The following SEMA6A variants were observed in gnomAD, a reference collection of about 807,000 sequenced individuals.
The protein encoded by SEMA6A is semaphorin 6A, also known as semaphorin-6A.
Under a neutral mutation model 96.8 loss-of-function variants are expected in SEMA6A, and 25 were observed. The ratio of observed to expected loss-of-function variants is 0.26; its 90% CI spans 0.19 to 0.36. The LOEUF is 0.36. SEMA6A is among the 10% of genes least tolerant of loss of function. SEMA6A has a pLI of 1.00. For synonymous variants in SEMA6A, 612 were observed against 518.0 expected (o/e 1.18, Z -2.46); for missense variants, 1,363 against 1,323.1 (o/e 1.03, Z -0.47).
Position 116,444,014 on chromosome 5 carries a change from A to C in SEMA6A, c.*2599T>G, listed in dbSNP as rs1198368751. The C allele has an allele frequency of 2.0e-5, 3 of 152,180 alleles. No individual in the cohort carries two copies. Among genetic ancestry groups the C allele is most frequent in the Non-Finnish European group, 4.4e-5 (3 of 68,068 alleles). The allele number at this position is 152,180 out of a possible 1,614,324, so 9.4% of individuals were successfully genotyped here. A position where few individuals can be genotyped will look rare whatever the true frequency, so the allele number is the denominator to read the frequency against. On this transcript the variant is annotated 3_prime_UTR_variant, in exon 19 of 19. Transcript: ENST00000343348. ...GATGCCTACAAACACTGGACAAGAC[A>C]GCCGCTTACGTCAATGATGGGTGCT... is the stretch of plus-strand genomic sequence containing the variant.
intron 1 of SEMA6A, among the ~76,000 whole-genome samples, chr5:116,559,495 C>T (rs1333409643): frequency 6.6e-6 from 1 of 152,082 alleles, no homozygotes; most frequent in Non-Finnish European, 1.5e-5. Flanking sequence ...TTGGGGCTGA[C>T]GCCGTTTTAG....
At chr5:116,529,305 G>T (rs13181662) in intron 1 of SEMA6A, among the ~76,000 whole-genome samples, 1 of 152,050 alleles carries the variant, frequency 6.6e-6, no homozygotes, top group Non-Finnish European at 1.5e-5. Context: ...CTAGATAGGA[G>T]GAATTAATCC....
chr5:116,459,998 A>G (rs979207638), intron 18 of SEMA6A, among the ~76,000 whole-genome samples: 19 of 152,304 alleles, frequency 1.2e-4, no homozygotes, highest in African/African-American at 4.6e-4. Context: ...TTATTAAACT[A>G]TTATTTTTTA....
chr5:116,521,825 CAA>C (rs1416381483), intron 1 of SEMA6A, among the ~76,000 whole-genome samples: 1 of 151,616 alleles, frequency 6.6e-6, no homozygotes, highest in East Asian at 1.9e-4. Flanking sequence ...ACATTTAAAA[CAA>C]AGACTGACTA....
At chr5:116,536,866 TAAAAAAAAAAAA>T (rs72214884) in intron 1 of SEMA6A, among the ~76,000 whole-genome samples, 3,479 of 69,640 alleles carry the variant, frequency 0.05, 188 homozygotes, top group African/African-American at 0.15. Flanking sequence ...TGTGATTTCT[TAAAAAAAAAAAA>T]AAAAAAAAAA....
At chr5:116,454,472 A>C (rs1185839366) in intron 18 of SEMA6A, among the ~76,000 whole-genome samples, 1 of 152,212 alleles carries the variant, frequency 6.6e-6, no homozygotes, top group Admixed American at 6.5e-5. Flanking sequence ...AGACAGTATA[A>C]ATGAATGAAC....
At position 116,446,955 on chromosome 5, in the gene SEMA6A, C is replaced by G. The variant is rs1014654668; in HGVS notation, c.2751G>C (p.Lys917Asn). 1 of 1,613,808 alleles carries G rather than the reference C, an allele frequency of 6.2e-7. No individual in the cohort carries two copies. ...TGAGCGAGTTCGTGGGGTAGCTCCT[C>G]TTATAGTCAACCCCGTAGGAAGAGG... ...HHSSSYGVDYKRSYPTNSLTR... is the reference protein window; with the variant it reads ...HHSSSYGVDYNRSYPTNSLTR... Residue 917 changes from lysine to asparagine, a missense_variant, in exon 19 of 19, where the codon AAG (lysine) becomes AAC (asparagine). Around this residue, in one of 2 missense-constraint regions of SEMA6A, gnomAD observed 883 missense variants for 763.6 expected, o/e 1.16. Transcript: ENST00000343348.
chr5:116,530,835 C>G (rs1759436809), intron 1 of SEMA6A, among the ~76,000 whole-genome samples: 1 of 152,064 alleles, frequency 6.6e-6, no homozygotes, highest in African/African-American at 2.4e-5. Flanking sequence ...CTCTCTCTGC[C>G]CAAGAGGAAT....
intron 1 of SEMA6A, among the ~76,000 whole-genome samples, chr5:116,561,967 T>TAA (rs57355707): frequency 7.2e-4 from 107 of 148,784 alleles, no homozygotes; most frequent in African/African-American, 1.3e-3. Context: ...CTTTATAATT[T>TAA]AAAAAAAAAA....
intron 3 of SEMA6A, chr5:116,498,408 C>A (rs1366522557): frequency 1.3e-5 from 2 of 152,066 alleles, no homozygotes; most frequent in African/African-American, 4.8e-5. Flanking sequence ...TTCACATATA[C>A]ATATATATAA....
chr5:116,475,187 AT>A (rs1756387937), intron 16 of SEMA6A, among the ~76,000 whole-genome samples: 1 of 152,230 alleles, frequency 6.6e-6, no homozygotes, highest in South Asian at 2.1e-4. Flanking sequence ...CAATCTTATT[AT>A]TATTTGGCGG....
intron 1 of SEMA6A, among the ~76,000 whole-genome samples, chr5:116,536,866 T>TTAAAAAAAAAAAAAAAAAAAAAAAA (rs1561524239): frequency 1.4e-5 from 1 of 69,480 alleles, no homozygotes. Context: ...TGTGATTTCT[T>TTAAAAAAAAAAAAAAAAAAAAAAAA]AAAAAAAAAA....
chr5:116,491,825 A>G lies in SEMA6A; in HGVS notation c.450T>C (p.Asp150=). ...FNPSCRNYKM[D]TLEPFGDEFS... is the part of the protein sequence containing the mutation. The stretch of plus-strand genomic sequence containing the variant: ...ATTCATCCCCGAATGGTTCCAATGT[A>G]TCCATCTAAATGAAATAATCAGACT... The change falls in exon 7 of 19, where the codon GAT becomes GAC. Residue 150 remains aspartate, a synonymous_variant. Coordinates refer to ENST00000343348, the MANE Select transcript of SEMA6A (RefSeq NM_020796.5). The G allele has an allele frequency of 6.2e-7, 1 of 1,610,140 alleles. No homozygotes were observed.
intron 1 of SEMA6A, among the ~76,000 whole-genome samples, chr5:116,506,486 T>C (rs192525974): frequency 9.9e-5 from 15 of 152,088 alleles, no homozygotes; most frequent in African/African-American, 3.6e-4. Context: ...AAAGCAAGAG[T>C]CTACTCATTC....
chr5:116,520,476 A>C (rs937668906), intron 1 of SEMA6A, among the ~76,000 whole-genome samples: 3 of 152,024 alleles, frequency 2.0e-5, no homozygotes, highest in Non-Finnish European at 2.9e-5. Context: ...ATGAAGCTCT[A>C]AAAAAAGAGT....
intron 1 of SEMA6A, among the ~76,000 whole-genome samples, chr5:116,507,297 A>C (rs1483142159): frequency 1.3e-5 from 2 of 152,282 alleles, no homozygotes; most frequent in African/African-American, 2.4e-5. Context: ...TCTTCAGTTG[A>C]AGTTTTGATG....
At chr5:116,556,949 A>G (rs1329499210) in intron 1 of SEMA6A, among the ~76,000 whole-genome samples, 6 of 152,130 alleles carry the variant, frequency 3.9e-5, no homozygotes. Flanking sequence ...TACTCTCCCC[A>G]CTTTCTGCAG....
chr5:116,548,170 C>T (rs1760264370), intron 1 of SEMA6A, among the ~76,000 whole-genome samples: 1 of 152,218 alleles, frequency 6.6e-6, no homozygotes, highest in Admixed American at 6.5e-5. Flanking sequence ...ATGCCTTCGC[C>T]TTCCTTGACG....
chr5:116,465,675 T>A (rs1259937073), intron 18 of SEMA6A, among the ~76,000 whole-genome samples: 1 of 152,220 alleles, frequency 6.6e-6, no homozygotes, highest in African/African-American at 2.4e-5. Context: ...TTAAATGGAC[T>A]TTTTGAGAAC....
Sources: allele counts gnomAD v4.1 joint callset (sites outside exome capture counted in the v4.1 genomes callset), GRCh38; gene constraint gnomAD v4.1.1; regional missense constraint gnomAD v4.1.1; transcripts MANE v1.5; gene names NCBI Gene and HGNC (gene_info 2026-07-23, HGNC 2026-07-21).